Variants in ADGB observed in about 807,000 individuals in gnomAD.
ADGB encodes the protein calpain-7-like protein.
ADGB carries 172 observed loss-of-function variants against 210.5 expected under a neutral mutation model. That is an observed-to-expected ratio of 0.82 (90% CI 0.72 to 0.93). The LOEUF (loss-of-function observed/expected upper bound fraction) is 0.93. Among genes scored for constraint, ADGB ranks in the 40% least tolerant of loss-of-function variants. The pLI is 0.00. For synonymous variants in ADGB, 658 were observed against 662.7 expected (o/e 0.99, Z 0.11); for missense variants, 2,025 against 1,964.8 (o/e 1.03, Z -0.58).
chr6:146,766,410 G>C (rs1777573877), intron 28 of ADGB, among the ~76,000 whole-genome samples: 1 of 148,648 alleles, frequency 6.7e-6, no homozygotes, highest in Non-Finnish European at 1.5e-5. Flanking sequence ...CTGGGCGACA[G>C]AGCGAGGCTC....
At chr6:146,751,028 T>C (rs965146084) in intron 26 of ADGB, among the ~76,000 whole-genome samples, 5 of 152,138 alleles carry the variant, frequency 3.3e-5, no homozygotes, top group Non-Finnish European at 7.4e-5. Context: ...GTTTGTTACA[T>C]AGGTAAACAT....
chr6:146,633,580 T>C (rs1475443605), intron 1 of ADGB, among the ~76,000 whole-genome samples: 8 of 152,106 alleles, frequency 5.3e-5, no homozygotes, highest in African/African-American at 1.9e-4. Context: ...GTCCTCTGCA[T>C]CTGGAATACT....
intron 10 of ADGB, 72 bp downstream of exon 10, chr6:146,685,900 T>C (rs898513586): frequency 6.7e-6 from 6 of 894,594 alleles, no homozygotes; most frequent in Non-Finnish European, 9.7e-6. Flanking sequence ...TGTGATTACT[T>C]GCTGTGGTAG....
At chr6:146,707,550 C>T (rs1241162825) in intron 13 of ADGB, among the ~76,000 whole-genome samples, 1 of 151,966 alleles carries the variant, frequency 6.6e-6, no homozygotes, top group East Asian at 1.9e-4. Context: ...ATTATTGTAT[C>T]CTGTTAAGAA....
intron 35 of ADGB, chr6:146,807,911 G>A (rs192717848): frequency 0.011 from 1,784 of 160,856 alleles, 15 homozygotes; most frequent in African/African-American, 0.018. Flanking sequence ...AAATTTCAGC[G>A]ATGAGAAAAG....
intron 5 of ADGB, among the ~76,000 whole-genome samples, chr6:146,659,606 T>C (rs906098731): frequency 2.0e-5 from 3 of 152,240 alleles, no homozygotes; most frequent in Non-Finnish European, 4.4e-5. Flanking sequence ...ATTTTTTCTA[T>C]GAAAGTATTT....
chr6:146,756,752 T>C lies in ADGB; in HGVS notation c.3550+4038T>C, dbSNP rs115143051. 4.8e-3 allele frequency among the ~76,000 whole-genome samples: 729 copies of C among 152,050 alleles called. 1 individual carries two copies. The highest frequency in any genetic ancestry group is 0.016 in the African/African-American group (684 of 41,470). On this transcript the variant is annotated intron_variant, in intron 27 of 35. Transcript: ENST00000397944. Reference sequence around the variant, plus strand: ...ATCATTTTGTTCCTAAATTTTTTTTTTTTGAGATGGAGTCTCACTCTGTCA... The same window carrying C: ...ATCATTTTGTTCCTAAATTTTTTTTCTTTGAGATGGAGTCTCACTCTGTCA...
At chr6:146,676,174 T>G in intron 8 of ADGB, 139 bp from the exon 9 acceptor site, 1 of 746,336 alleles carries the variant, frequency 1.3e-6, no homozygotes, top group Non-Finnish European at 2.0e-6. Flanking sequence ...GGGGATCATG[T>G]TTTGGAGAAA....
chr6:146,804,141 T>C (rs1212513665), intron 35 of ADGB, among the ~76,000 whole-genome samples: 1 of 152,186 alleles, frequency 6.6e-6, no homozygotes, highest in African/African-American at 2.4e-5. Context: ...GATTTCTAAA[T>C]TGTGGAAGAC....
intron 13 of ADGB, among the ~76,000 whole-genome samples, chr6:146,708,703 C>A (rs895406082): frequency 6.6e-6 from 1 of 152,030 alleles, no homozygotes; most frequent in Non-Finnish European, 1.5e-5. Flanking sequence ...TGGATTAAAT[C>A]TGATTTTGAA....
At chr6:146,695,865 A>G (rs1776394198) in intron 12 of ADGB, among the ~76,000 whole-genome samples, 1 of 152,104 alleles carries the variant, frequency 6.6e-6, no homozygotes, top group Non-Finnish European at 1.5e-5. Context: ...ATATAATGCA[A>G]CATAACTAAG....
intron 8 of ADGB, among the ~76,000 whole-genome samples, chr6:146,674,049 G>A (rs1583584541): frequency 6.6e-6 from 1 of 152,112 alleles, no homozygotes; most frequent in Admixed American, 6.6e-5. Flanking sequence ...TTTTGTCATC[G>A]GGGCCAAAGG....
At chr6:146,774,048 G>A (rs1460081655) in intron 29 of ADGB, among the ~76,000 whole-genome samples, 1 of 152,108 alleles carries the variant, frequency 6.6e-6, no homozygotes, top group Non-Finnish European at 1.5e-5. Context: ...GGCTTTGAAT[G>A]GAGAAAAGTA....
intron 7 of ADGB, 134 bp from the exon 8 acceptor site, chr6:146,672,086 T>C: frequency 1.7e-6 from 2 of 1,198,948 alleles, no homozygotes; most frequent in African/African-American, 3.1e-5. Context: ...GCTGTTCTTT[T>C]AACTAAAAAT....
At chr6:146,654,334 A>G (rs1775748914) in intron 4 of ADGB, 128 bp downstream of exon 4, 1 of 422,818 alleles carries the variant, frequency 2.4e-6, no homozygotes, top group Non-Finnish European at 4.3e-6. Flanking sequence ...ATATATATAT[A>G]TATAATACCA....
chr6:146,683,015 G>A (rs1165400292), intron 9 of ADGB, among the ~76,000 whole-genome samples: 1 of 152,020 alleles, frequency 6.6e-6, no homozygotes, highest in African/African-American at 2.4e-5. Context: ...AGAGGGAATG[G>A]ATTAATGCCA....
At chr6:146,716,264 T>G (rs1294287871) in intron 14 of ADGB, among the ~76,000 whole-genome samples, 2 of 151,998 alleles carry the variant, frequency 1.3e-5, no homozygotes, top group Admixed American at 1.3e-4. Context: ...GTAAAGAATC[T>G]AGCTAATTTG....
At chr6:146,807,831 G>A (rs1778235485) in intron 35 of ADGB, 1 of 283,614 alleles carries the variant, frequency 3.5e-6, no homozygotes, top group Non-Finnish European at 6.5e-6. Context: ...ATATATGTTT[G>A]ACACTCTAAA....
chr6:146,764,101 G>A lies in ADGB; in HGVS notation c.3750+1G>A, dbSNP rs1341879417. ...AGACAGTTCCAGCACACCACTGCAG[G>A]TATATTAAAAACAATTGTTCAATTG... On this transcript the variant is annotated splice_donor_variant, in intron 28 of 35. Transcript: ENST00000397944. LOFTEE classifies it high-confidence loss of function. The A allele has an allele frequency of 2.0e-6, 3 of 1,526,998 alleles. No homozygotes were observed. Among genetic ancestry groups the A allele is most frequent in the Non-Finnish European group, 2.6e-6 (3 of 1,136,206 alleles). The allele number at this position is 1,526,998 out of a possible 1,614,324, so 94.6% of individuals were successfully genotyped here. A position where few individuals can be genotyped will look rare whatever the true frequency, so the allele number is the denominator to read the frequency against.
Sources: gnomAD v4.1 joint callset for allele counts (sites outside exome capture counted in the v4.1 genomes callset) on GRCh38, gnomAD v4.1.1 for gene constraint, MANE v1.5 for transcripts, NCBI Gene and HGNC (gene_info 2026-07-23, HGNC 2026-07-21) for gene names.